The following PAPPA2 variants were observed in gnomAD, a reference collection of about 807,000 sequenced individuals.
PAPPA2 encodes pappalysin-2.
Under a neutral mutation model 176.4 loss-of-function variants are expected in PAPPA2, and 86 were observed. The ratio of observed to expected loss-of-function variants is 0.49; its 90% CI spans 0.41 to 0.58. The LOEUF is 0.58. PAPPA2 is among the 20% of genes least tolerant of loss of function. The pLI is 0.00. For missense variants in PAPPA2, 2,073 were observed against 2,256.9 expected (o/e 0.92, Z 1.65); for synonymous variants, 809 against 852.2 (o/e 0.95, Z 0.88).
At chr1:176,727,660 G>T (rs1383148824) in intron 12 of PAPPA2, among the ~76,000 whole-genome samples, 1 of 151,514 alleles carries the variant, frequency 6.6e-6, no homozygotes, top group Admixed American at 6.6e-5. Flanking sequence ...TAATAAGTAG[G>T]CCAAAAAATC....
chr1:176,799,751 CATT>C (rs2102948432), intron 20 of PAPPA2, among the ~76,000 whole-genome samples: 1 of 152,296 alleles, frequency 6.6e-6, no homozygotes, highest in South Asian at 2.1e-4. Flanking sequence ...AGATGAAACT[CATT>C]ATAATATTGA....
intron 3 of PAPPA2, chr1:176,616,782 C>T (rs537594391): frequency 2.8e-5 from 27 of 960,720 alleles, no homozygotes; most frequent in East Asian, 5.6e-5. Context: ...GTGGTTCATT[C>T]GAGGTGTATT....
chr1:176,769,591 A>G lies in PAPPA2; in HGVS notation c.4324-16A>G. On this transcript the variant is annotated splice_polypyrimidine_tract_variant and intron_variant, in intron 15 of 22. Transcript: ENST00000367662. ...TTTTAATGTGACTTTGACAGAAGCA[A>G]TTTCTCTGTTTCTAGAAGGAAATTC... 1 of 1,611,456 alleles carries G rather than the reference A, an allele frequency of 6.2e-7. No individual in the cohort carries two copies. The highest frequency in any genetic ancestry group is 1.1e-5 in the South Asian group (1 of 90,760).
rs1403592038 is a variant in PAPPA2 at position 176,556,311 on chromosome 1, G to A, written c.-12G>A. 1 of 1,610,272 alleles carries A rather than the reference G, an allele frequency of 6.2e-7. No individual in the cohort carries two copies. ...GTTGACTTCTGGTTCTGTAGAAAGAGCTAGGGGAGGTATGATGTGCTTAAA... is the reference window on the plus strand; with the variant it reads ...GTTGACTTCTGGTTCTGTAGAAAGAACTAGGGGAGGTATGATGTGCTTAAA... On this transcript the variant is annotated 5_prime_UTR_variant, in exon 2 of 23. Coordinates refer to ENST00000367662, the MANE Select transcript of PAPPA2 (RefSeq NM_020318.3).
At chr1:176,652,561 G>A (rs1002294704) in intron 3 of PAPPA2, among the ~76,000 whole-genome samples, 1 of 151,662 alleles carries the variant, frequency 6.6e-6, no homozygotes, top group African/African-American at 2.4e-5. Flanking sequence ...GCATGGTCTT[G>A]CTAAACAGAC....
chr1:176,705,107 C>T (rs1660823241), intron 9 of PAPPA2, among the ~76,000 whole-genome samples: 1 of 152,092 alleles, frequency 6.6e-6, no homozygotes. Flanking sequence ...AATCCTCTCT[C>T]CATAAATAAG....
chr1:176,565,407 A>C (rs1573049363), intron 2 of PAPPA2, among the ~76,000 whole-genome samples: 1 of 152,250 alleles, frequency 6.6e-6, no homozygotes, highest in East Asian at 1.9e-4. Flanking sequence ...TCTAAAATGA[A>C]ATGGGGGCTG....
chr1:176,714,316 G>C (rs1377690415), intron 12 of PAPPA2, among the ~76,000 whole-genome samples: 1 of 151,874 alleles, frequency 6.6e-6, no homozygotes, highest in Non-Finnish European at 1.5e-5. Context: ...AGGATCAGAG[G>C]CCATTCCAAA....
chr1:176,768,089 C>A (rs1266391568), intron 15 of PAPPA2, among the ~76,000 whole-genome samples: 3 of 152,124 alleles, frequency 2.0e-5, no homozygotes, highest in Non-Finnish European at 4.4e-5. Flanking sequence ...GCTGGCTCAG[C>A]CATAGAAACT....
At chr1:176,465,917 A>AT in intron 1 of PAPPA2, among the ~76,000 whole-genome samples, 1 of 151,578 alleles carries the variant, frequency 6.6e-6, no homozygotes, top group Middle Eastern at 3.4e-3. Flanking sequence ...CCTGTATATC[A>AT]TTTTTTTTAT....
chr1:176,486,515 G>A (rs371009493), intron 1 of PAPPA2, among the ~76,000 whole-genome samples: 1 of 152,076 alleles, frequency 6.6e-6, no homozygotes, highest in African/African-American at 2.4e-5. Context: ...ACTGAGATTT[G>A]GAAGTTAGAG....
intron 4 of PAPPA2, among the ~76,000 whole-genome samples, chr1:176,679,067 G>A (rs1659452750): frequency 6.6e-6 from 1 of 151,800 alleles, no homozygotes; most frequent in Non-Finnish European, 1.5e-5. Context: ...ATATGGAACA[G>A]GAAAAAGAAG....
At chr1:176,685,955 C>T (rs1288633827) in intron 4 of PAPPA2, among the ~76,000 whole-genome samples, 1 of 152,126 alleles carries the variant, frequency 6.6e-6, no homozygotes, top group Non-Finnish European at 1.5e-5. Flanking sequence ...ACCCCTACAT[C>T]GATGTGAGTG....
chr1:176,775,674 C>T (rs143637863), intron 17 of PAPPA2, among the ~76,000 whole-genome samples: 4 of 152,272 alleles, frequency 2.6e-5, no homozygotes, highest in Non-Finnish European at 4.4e-5. Context: ...AAACCAATTA[C>T]ATCAGAATCT....
chr1:176,715,952 A>T (rs182633277), intron 12 of PAPPA2, among the ~76,000 whole-genome samples: 39 of 151,730 alleles, frequency 2.6e-4, no homozygotes, highest in African/African-American at 8.9e-4. Flanking sequence ...CTATGCAGTT[A>T]TTAATAAAAT....
chr1:176,737,372 G>C (rs568372313), intron 12 of PAPPA2, among the ~76,000 whole-genome samples: 66 of 152,098 alleles, frequency 4.3e-4, no homozygotes, highest in African/African-American at 1.5e-3. Flanking sequence ...TATTATACAT[G>C]TACATGCAGA....
chr1:176,682,108 C>T (rs1337912870), intron 4 of PAPPA2, among the ~76,000 whole-genome samples: 2 of 152,182 alleles, frequency 1.3e-5, no homozygotes, highest in Non-Finnish European at 2.9e-5. Flanking sequence ...TTAAAGTTTA[C>T]GTCAGTTGTG....
chr1:176,576,285 T>C (rs1328094835), intron 2 of PAPPA2, among the ~76,000 whole-genome samples: 3 of 152,228 alleles, frequency 2.0e-5, no homozygotes, highest in Non-Finnish European at 4.4e-5. Flanking sequence ...ACAAGAGTTT[T>C]AATCTTGACT....
intron 3 of PAPPA2, among the ~76,000 whole-genome samples, chr1:176,644,922 C>A (rs768282558): frequency 1.3e-5 from 2 of 151,704 alleles, no homozygotes; most frequent in Non-Finnish European, 2.9e-5. Flanking sequence ...ACAGGTGCAG[C>A]GCCACAAGTA....
Sources: gnomAD v4.1 joint callset for allele counts (sites outside exome capture counted in the v4.1 genomes callset) on GRCh38, gnomAD v4.1.1 for gene constraint, MANE v1.5 for transcripts, NCBI Gene and HGNC (gene_info 2026-07-23, HGNC 2026-07-21) for gene names.